DACH1: variants seen among roughly 807,000 people sequenced by gnomAD.
DACH1 encodes the protein dachshund family transcription factor 1.
DACH1 carries 12 observed loss-of-function variants against 54.2 expected under a neutral mutation model. The observed-to-expected ratio is 0.22, with a 90% CI of 0.14 to 0.36. The LOEUF is 0.36. DACH1 is among the 10% of genes least tolerant of loss of function. The pLI is 1.00. For synonymous variants in DACH1, 386 were observed against 366.2 expected, an observed-to-expected ratio of 1.05 and a Z score of -0.62; for missense variants, 805 against 929.8, an observed-to-expected ratio of 0.87 and a Z score of 1.75.
At chr13:71,548,091 G>A (rs1006484760) in intron 6 of DACH1, among the ~76,000 whole-genome samples, 2 of 152,144 alleles carry the variant, frequency 1.3e-5, no homozygotes, top group South Asian at 2.1e-4. Context: ...AGGCAAAATT[G>A]AAAATATGTT....
intron 1 of DACH1, among the ~76,000 whole-genome samples, chr13:71,695,329 G>A (rs534454570): frequency 2.0e-5 from 3 of 152,200 alleles, no homozygotes; most frequent in Admixed American, 2.0e-4. Context: ...TGCAAAGGCC[G>A]ATTCTAGATA....
At chr13:71,766,091 T>C (rs1213652277) in intron 1 of DACH1, among the ~76,000 whole-genome samples, 1 of 152,076 alleles carries the variant, frequency 6.6e-6, no homozygotes, top group Non-Finnish European at 1.5e-5. Context: ...TTTCACTGTG[T>C]TAGCCAGGAT....
intron 1 of DACH1, among the ~76,000 whole-genome samples, chr13:71,819,117 G>C (rs904179655): frequency 6.6e-6 from 1 of 152,184 alleles, no homozygotes; most frequent in Admixed American, 6.5e-5. Flanking sequence ...TCAACCAGTT[G>C]CTGCAATTGG....
Position 71,675,161 on chromosome 13 carries a change from C to T in DACH1, c.964+6634G>A, listed in dbSNP as rs1211021422. Reference sequence around the variant, plus strand: ...GCCGCTCGCAAGAGTGCGCCCTCTACTGGAGGGGTGAAGAAACCTCATCGT... The same window carrying T: ...GCCGCTCGCAAGAGTGCGCCCTCTATTGGAGGGGTGAAGAAACCTCATCGT... On this transcript the variant is annotated intron_variant, in intron 2 of 10. Coordinates refer to ENST00000613252, the MANE Select transcript of DACH1 (RefSeq NM_080759.6). 30 of 1,577,950 alleles carry T rather than the reference C, an allele frequency of 1.9e-5. No individual in the cohort carries two copies. The East Asian group carries it at 6.5e-4, about 34-fold the overall frequency.
chr13:71,675,119 A>G (rs1880476545), intron 2 of DACH1: 9 of 1,582,158 alleles, frequency 5.7e-6, no homozygotes, highest in Admixed American at 5.0e-5. Context: ...GCACCCAGGA[A>G]GTAACTGGCT....
At chr13:71,516,961 A>G (rs966815988) in intron 6 of DACH1, among the ~76,000 whole-genome samples, 19 of 151,634 alleles carry the variant, frequency 1.3e-4, no homozygotes, top group African/African-American at 4.3e-4. Flanking sequence ...GAGACTTAAG[A>G]GCCATTATAA....
chr13:71,623,987 A>G (rs533947220), intron 3 of DACH1, among the ~76,000 whole-genome samples: 6 of 152,018 alleles, frequency 3.9e-5, no homozygotes, highest in Admixed American at 6.6e-5. Context: ...GTTGAAAGTG[A>G]AGTGCACATA....
intron 1 of DACH1, among the ~76,000 whole-genome samples, chr13:71,817,692 T>C (rs1365383232): frequency 6.6e-6 from 1 of 152,118 alleles, no homozygotes; most frequent in Non-Finnish European, 1.5e-5. Flanking sequence ...GACTACATCT[T>C]AAGATAATAA....
chr13:71,576,905 T>C (rs950449121), intron 3 of DACH1, among the ~76,000 whole-genome samples: 7 of 152,154 alleles, frequency 4.6e-5, no homozygotes, highest in Admixed American at 4.6e-4. Flanking sequence ...TGTCTCTTGC[T>C]TAAATGGTTC....
chr13:71,452,946 C>G (rs1359578982), intron 10 of DACH1, among the ~76,000 whole-genome samples: 5 of 152,118 alleles, frequency 3.3e-5, no homozygotes, highest in Admixed American at 3.3e-4. Flanking sequence ...AAAAGCAGAG[C>G]ACATGCCCTC....
At chr13:71,783,291 A>C (rs1594216288) in intron 1 of DACH1, among the ~76,000 whole-genome samples, 1 of 152,312 alleles carries the variant, frequency 6.6e-6, no homozygotes, top group Admixed American at 6.5e-5. Context: ...AAACTGGCTA[A>C]TCACTATCAA....
rs74095978 is a variant in DACH1, at chr13:71,571,392, C to T, written c.1299+1448G>A. Among the ~76,000 whole-genome samples the T allele has an allele frequency of 7.6e-3, 1,158 of 152,200 alleles. 14 individuals carry two copies. Among genetic ancestry groups the T allele is most frequent in the African/African-American group, 0.026 (1,076 of 41,520 alleles). On this transcript the variant is annotated intron_variant, in intron 4 of 10. Coordinates refer to ENST00000613252, the MANE Select transcript of DACH1 (RefSeq NM_080759.6). ...TCAGAGTGCTGAATTCTCAATAATA[C>T]CTATTACCTAACATCATCATAAATT...
At chr13:71,455,357 G>C (rs1875468572) in intron 10 of DACH1, among the ~76,000 whole-genome samples, 1 of 151,698 alleles carries the variant, frequency 6.6e-6, no homozygotes, top group South Asian at 2.1e-4. Context: ...GATAGATATA[G>C]ATAGATATAT....
intron 7 of DACH1, among the ~76,000 whole-genome samples, chr13:71,484,693 T>C (rs969960889): frequency 2.0e-4 from 30 of 152,222 alleles, no homozygotes; most frequent in Admixed American, 2.0e-3. Flanking sequence ...TGTAAGCCAC[T>C]TTTTAAAGCC....
At chr13:71,721,936 T>C (rs1883247598) in intron 1 of DACH1, among the ~76,000 whole-genome samples, 1 of 152,114 alleles carries the variant, frequency 6.6e-6, no homozygotes, top group Non-Finnish European at 1.5e-5. Flanking sequence ...GAATAGTGTA[T>C]CTATTAGAAT....
intron 10 of DACH1, among the ~76,000 whole-genome samples, chr13:71,457,470 G>C (rs1283861573): frequency 6.6e-6 from 1 of 151,684 alleles, no homozygotes; most frequent in East Asian, 1.9e-4. Flanking sequence ...CTTGGTCCCA[G>C]TTTTATTACA....
chr13:71,763,393 T>C (rs1885483237), intron 1 of DACH1, among the ~76,000 whole-genome samples: 1 of 152,224 alleles, frequency 6.6e-6, no homozygotes, highest in Non-Finnish European at 1.5e-5. Context: ...TTATAGATTA[T>C]TTCCAAGATC....
intron 1 of DACH1, among the ~76,000 whole-genome samples, chr13:71,864,700 G>C (rs939235850): frequency 6.6e-6 from 1 of 152,090 alleles, no homozygotes; most frequent in African/African-American, 2.4e-5. Flanking sequence ...TGTGAAAGGG[G>C]GTGGAATGAT....
chr13:71,481,895 T>C (rs1012205986), intron 7 of DACH1, among the ~76,000 whole-genome samples: 5 of 152,186 alleles, frequency 3.3e-5, no homozygotes, highest in African/African-American at 9.7e-5. Context: ...TCCAGGTTGA[T>C]CACGTGCAAA....
Sources: gnomAD v4.1 joint callset for allele counts (sites outside exome capture counted in the v4.1 genomes callset) on GRCh38, gnomAD v4.1.1 for gene constraint, MANE v1.5 for transcripts, NCBI Gene and HGNC (gene_info 2026-07-23, HGNC 2026-07-21) for gene names.